The following ARPC1A variants were observed in gnomAD, a reference collection of about 807,000 sequenced individuals.
The protein encoded by ARPC1A is actin related protein 2/3 complex subunit 1A, also known as actin-related protein 2/3 complex subunit 1A.
A neutral mutation model predicts 46.9 loss-of-function variants in ARPC1A; 8 were observed. The observed-to-expected ratio is 0.17, with a 90% CI of 0.10 to 0.31. The LOEUF (loss-of-function observed/expected upper bound fraction) is 0.31. Ranked by LOEUF, ARPC1A falls within the 10% of genes least tolerant of loss-of-function variation. The pLI, the probability that ARPC1A is intolerant of heterozygous loss-of-function variation, is 1.00. For missense variants in ARPC1A, 286 were observed against 483.6 expected, an observed-to-expected ratio of 0.59 and a Z score of 3.83; for synonymous variants, 152 against 169.0, an observed-to-expected ratio of 0.90 and a Z score of 0.78.
At chr7:99,365,272 C>T (rs940599792) in intron 9 of ARPC1A, among the ~76,000 whole-genome samples, 1 of 151,902 alleles carries the variant, frequency 6.6e-6, no homozygotes, top group Non-Finnish European at 1.5e-5. Context: ...GGCAACATAG[C>T]GTGACCCCAT....
intron 3 of ARPC1A, among the ~76,000 whole-genome samples, chr7:99,340,272 C>T (rs1793335959): frequency 1.3e-5 from 2 of 152,124 alleles, no homozygotes; most frequent in African/African-American, 2.4e-5. Context: ...AAGCAATTCT[C>T]CCGCCTCAGC....
chr7:99,334,058 C>G (rs976438723), intron 2 of ARPC1A, among the ~76,000 whole-genome samples: 10 of 144,852 alleles, frequency 6.9e-5, no homozygotes, highest in African/African-American at 2.6e-4. Flanking sequence ...TTTTTTGAGA[C>G]AGAGTCTCGC....
intron 3 of ARPC1A, among the ~76,000 whole-genome samples, chr7:99,339,464 T>C (rs1793324493): frequency 6.6e-6 from 1 of 152,126 alleles, no homozygotes; most frequent in Non-Finnish European, 1.5e-5. Flanking sequence ...AGATCAAGGC[T>C]GCAGTGAGCT....
At chr7:99,335,229 A>G (rs963161502) in intron 2 of ARPC1A, among the ~76,000 whole-genome samples, 1 of 152,126 alleles carries the variant, frequency 6.6e-6, no homozygotes, top group Non-Finnish European at 1.5e-5. Context: ...GCCTCCAGCA[A>G]TCCACCTGCC....
intron 9 of ARPC1A, 97 bp from the exon 10 acceptor site, chr7:99,365,794 C>A: frequency 7.5e-7 from 1 of 1,329,622 alleles, no homozygotes; most frequent in Non-Finnish European, 1.0e-6. Flanking sequence ...AGGGTGGGGA[C>A]AGGCAGAACC....
intron 4 of ARPC1A, among the ~76,000 whole-genome samples, chr7:99,345,726 A>G (rs1793433872): frequency 6.6e-6 from 1 of 152,152 alleles, no homozygotes; most frequent in South Asian, 2.1e-4. Flanking sequence ...CTTCAACGTA[A>G]AGTTGTCATT....
At position 99,344,357 on chromosome 7, in the gene ARPC1A, C is replaced by G; in HGVS notation, c.234C>G (p.Val78=). 6.2e-7 allele frequency: 1 copy of G among 1,614,004 alleles called. No individual in the cohort carries two copies. Among genetic ancestry groups the G allele is most frequent in the Non-Finnish European group, 8.5e-7 (1 of 1,179,864 alleles). ...VTCGADRNAY[V]WSQKDGVWKP... ...GTGGGGCAGACCGCAATGCCTATGT[C>G]TGGAGTCAGAAAGATGGTGTTTGGA... Residue 78 remains valine (V), a synonymous_variant, in exon 4 of 10, where the codon GTC becomes GTG. Transcript: ENST00000262942.
intron 1 of ARPC1A, among the ~76,000 whole-genome samples, chr7:99,330,831 G>A (rs1012913653): frequency 6.6e-6 from 1 of 152,154 alleles, no homozygotes; most frequent in African/African-American, 2.4e-5. Flanking sequence ...TTGTGAGGGT[G>A]CCTCCTGGAA....
chr7:99,363,178 T>C (rs1376432340), intron 8 of ARPC1A, among the ~76,000 whole-genome samples: 1 of 152,212 alleles, frequency 6.6e-6, no homozygotes, highest in East Asian at 1.9e-4. Context: ...CCCTTGCCAG[T>C]TTTGTCTTTC....
intron 5 of ARPC1A, 101 bp from the exon 6 acceptor site, chr7:99,353,808 C>T (rs1793586699): frequency 8.4e-7 from 1 of 1,186,882 alleles, no homozygotes; most frequent in South Asian, 1.4e-5. Flanking sequence ...ATGAGTCAAC[C>T]TCTTTGCATT....
At chr7:99,354,241 G>A (rs145370015) in intron 6 of ARPC1A, 120 bp downstream of exon 6, 16,868 of 1,170,008 alleles carry the variant, frequency 0.014, 163 homozygotes, top group Non-Finnish European at 0.016. Context: ...ACCTTAATCA[G>A]GCCAGGCGTG....
chr7:99,364,416 A>T (rs1793794307), intron 9 of ARPC1A, among the ~76,000 whole-genome samples: 1 of 151,672 alleles, frequency 6.6e-6, no homozygotes, highest in Non-Finnish European at 1.5e-5. Context: ...GGGATTACAG[A>T]CATGTGCCAC....
At chr7:99,361,492 A>G (rs967333516) in intron 8 of ARPC1A, among the ~76,000 whole-genome samples, 2 of 150,006 alleles carry the variant, frequency 1.3e-5, no homozygotes, top group African/African-American at 2.5e-5. Context: ...ACCTGAAGGC[A>G]TAGCAAAACT....
chr7:99,334,689 A>G (rs1408962079), intron 2 of ARPC1A, among the ~76,000 whole-genome samples: 1 of 151,546 alleles, frequency 6.6e-6, no homozygotes, highest in East Asian at 1.9e-4. Flanking sequence ...TTATTTATTT[A>G]TTTATTTATT....
intron 8 of ARPC1A, among the ~76,000 whole-genome samples, chr7:99,360,666 A>G (rs1429482201): frequency 1.3e-5 from 2 of 152,146 alleles, no homozygotes; most frequent in Non-Finnish European, 2.9e-5. Flanking sequence ...GAGGCTGGGC[A>G]TGATGGCTTA....
chr7:99,326,497 C>G (rs1793049910), intron 1 of ARPC1A, among the ~76,000 whole-genome samples: 1 of 152,176 alleles, frequency 6.6e-6, no homozygotes, highest in South Asian at 2.1e-4. Context: ...CTCCCGAGTT[C>G]TTTTAAGATT....
At chr7:99,338,425 G>A (rs557889676) in intron 3 of ARPC1A, 140 bp downstream of exon 3, 16 of 525,634 alleles carry the variant, frequency 3.0e-5, no homozygotes, top group East Asian at 7.2e-5. Flanking sequence ...TCACTCTTTC[G>A]CCCAGGCTGG....
At position 99,363,529 on chromosome 7, in the gene ARPC1A, T is replaced by G. The variant is rs1173341016; in HGVS notation, c.984-14T>G. 1 of 1,605,554 alleles carries G rather than the reference T, an allele frequency of 6.2e-7. No homozygotes were observed. Among genetic ancestry groups the G allele is most frequent in the East Asian group, 2.2e-5 (1 of 44,850 alleles). On this transcript the variant is annotated splice_polypyrimidine_tract_variant and intron_variant, in intron 8 of 9. Coordinates refer to ENST00000262942, the MANE Select transcript of ARPC1A (RefSeq NM_006409.4). ...TACATACCTTACGATCTCTTTTGCT[T>G]TGCTTTTTTTCAGTCAAGTCTCTAT...
At chr7:99,349,963 A>G (rs1245839778) in intron 5 of ARPC1A, among the ~76,000 whole-genome samples, 2 of 152,194 alleles carry the variant, frequency 1.3e-5, no homozygotes, top group Admixed American at 6.6e-5. Context: ...GTGAGCTGAA[A>G]TCACACCACT....
Sources: gnomAD v4.1 joint callset for allele counts (sites outside exome capture counted in the v4.1 genomes callset) on GRCh38, gnomAD v4.1.1 for gene constraint, MANE v1.5 for transcripts, NCBI Gene and HGNC (gene_info 2026-07-23, HGNC 2026-07-21) for gene names.